Variants in CASK observed in about 807,000 individuals in gnomAD.
CASK encodes calcium/calmodulin dependent serine protein kinase.
In CASK, 4 loss-of-function variants were observed where a neutral mutation model predicts 82.9. The observed-to-expected ratio is 0.05, with a 90% CI of 0.02 to 0.11. The LOEUF (loss-of-function observed/expected upper bound fraction) is 0.11, where lower values mean the gene tolerates loss of function less well. CASK is among the 10% of genes least tolerant of loss of function. The probability of loss-of-function intolerance (pLI) is 1.00; values close to 1 mark genes in which losing one functional copy is unlikely to be tolerated. For missense variants in CASK, 358 were observed against 720.9 expected, an observed-to-expected ratio of 0.50 and a Z score of 5.76; for synonymous variants, 259 against 253.5, an observed-to-expected ratio of 1.02 and a Z score of -0.20.
Position 41,569,731 on chromosome X carries a change from T to G in CASK, c.1519A>C (p.Met507Leu), listed in dbSNP as rs1217595566. Residue 507 changes from methionine (M) to leucine (L), a missense_variant, in exon 16 of 27, where the codon ATG becomes CTG. Physicochemically the swap from Met to Leu is conservative, Grantham distance 15 (BLOSUM62 2). Around this residue, in one of 5 missense-constraint regions of CASK, gnomAD observed 110 missense variants for 218.8 expected, o/e 0.50. Transcript: ENST00000378163. ...ACAATACAATGATTTAGTTCATTCA[T>G]TTTTAAAGTGATTCCCTGTTAAAAA... ...TDEPMGITLK[M>L]NELNHCIVAR... 1 of 1,134,605 alleles carries G rather than the reference T, an allele frequency of 8.8e-7. No individual in the cohort carries two copies. The highest frequency in any genetic ancestry group is 1.8e-5 in the African/African-American group (1 of 56,237). 93.5% of individuals were successfully genotyped at this position (1,134,605 alleles called of 1,213,427 possible).
At chrX:41,842,956 A>G (rs1322658969) in intron 2 of CASK, among the ~76,000 whole-genome samples, 1 of 111,368 alleles carries the variant, frequency 9.0e-6, no homozygotes, top group Non-Finnish European at 1.9e-5. Context: ...TCTTAACTTC[A>G]TTTTTAGATT....
At chrX:41,765,776 G>A (rs1180320218) in intron 3 of CASK, among the ~76,000 whole-genome samples, 2 of 111,585 alleles carry the variant, frequency 1.8e-5, no homozygotes, top group Admixed American at 9.5e-5. Context: ...AAAGTGAATG[G>A]GGACAGGGAT....
intron 2 of CASK, among the ~76,000 whole-genome samples, chrX:41,793,228 A>T (rs1158794947): frequency 2.7e-5 from 3 of 111,746 alleles, no homozygotes; most frequent in Non-Finnish European, 3.8e-5. Context: ...GTACATATAC[A>T]CATACATATA....
chrX:41,778,563 C>G (rs1193002606), intron 3 of CASK, among the ~76,000 whole-genome samples: 1 of 111,648 alleles, frequency 9.0e-6, no homozygotes, highest in Non-Finnish European at 1.9e-5. Flanking sequence ...ACAAACTATA[C>G]TTCTTTTAAA....
At chrX:41,575,696 A>C (rs1279872944) in intron 15 of CASK, among the ~76,000 whole-genome samples, 1 of 111,901 alleles carries the variant, frequency 8.9e-6, no homozygotes, top group Non-Finnish European at 1.9e-5. Flanking sequence ...TGAATAAGAC[A>C]ACTAAGAAAG....
chrX:41,821,431 G>T (rs959225034), intron 2 of CASK, among the ~76,000 whole-genome samples: 1 of 111,995 alleles, frequency 8.9e-6, no homozygotes, highest in African/African-American at 3.2e-5. Context: ...GTATTGGCAA[G>T]GATGTGGAAA....
intron 8 of CASK, among the ~76,000 whole-genome samples, chrX:41,654,883 G>A (rs373902213): frequency 1.1e-4 from 12 of 110,513 alleles, no homozygotes; most frequent in African/African-American, 3.6e-4. Context: ...TGAGAAAGCT[G>A]ACCAACAGTT....
intron 16 of CASK, among the ~76,000 whole-genome samples, chrX:41,566,940 T>G (rs981581813): frequency 7.2e-5 from 8 of 111,862 alleles, no homozygotes; most frequent in African/African-American, 2.3e-4. Context: ...GCCACACATC[T>G]ACAACCATCT....
chrX:41,621,910 C>G (rs1411889376), intron 11 of CASK, among the ~76,000 whole-genome samples: 1 of 111,512 alleles, frequency 9.0e-6, no homozygotes, highest in Non-Finnish European at 1.9e-5. Flanking sequence ...CCCTTGTATT[C>G]TTTGCTCAGT....
chrX:41,689,057 C>G (rs1277895584), intron 5 of CASK: 2 of 111,638 alleles, frequency 1.8e-5, no homozygotes, highest in African/African-American at 3.3e-5. Flanking sequence ...TGGGGTTCTG[C>G]TCCTTTTACT....
chrX:41,687,977 A>G (rs1008962147), intron 5 of CASK, among the ~76,000 whole-genome samples: 5 of 107,723 alleles, frequency 4.6e-5, no homozygotes, highest in Non-Finnish European at 9.6e-5. Flanking sequence ...AAAAAAAAAA[A>G]AAAAAAAAAA....
chrX:41,775,151 T>C (rs1325503971), intron 3 of CASK, among the ~76,000 whole-genome samples: 9 of 107,190 alleles, frequency 8.4e-5, no homozygotes, highest in African/African-American at 3.1e-4. Context: ...AAAGGGCTAA[T>C]ATCCAGAATC....
chrX:41,807,704 C>T (rs766179593), intron 2 of CASK, among the ~76,000 whole-genome samples: 1 of 110,928 alleles, frequency 9.0e-6, no homozygotes, highest in African/African-American at 3.3e-5. Flanking sequence ...GAAGGGCAAC[C>T]AAGCACAAGA....
intron 4 of CASK, among the ~76,000 whole-genome samples, chrX:41,744,608 T>C (rs2147733646): frequency 9.0e-6 from 1 of 111,166 alleles, no homozygotes; most frequent in East Asian, 2.8e-4. Context: ...CCTCCCAAAG[T>C]GCTGGGATTA....
chrX:41,847,855 C>T (rs1240329290), intron 2 of CASK, among the ~76,000 whole-genome samples: 2 of 111,875 alleles, frequency 1.8e-5, no homozygotes, highest in Admixed American at 9.5e-5. Context: ...ACCTTCAACA[C>T]TCAGTCAGGG....
At chrX:41,807,813 C>T (rs909184520) in intron 2 of CASK, among the ~76,000 whole-genome samples, 14 of 111,593 alleles carry the variant, frequency 1.3e-4, no homozygotes, top group African/African-American at 3.3e-4. Flanking sequence ...CCATTCATGA[C>T]GGAGGATTCC....
chrX:41,894,375 T>C (rs1367916782), intron 1 of CASK, among the ~76,000 whole-genome samples: 1 of 110,814 alleles, frequency 9.0e-6, no homozygotes, highest in Non-Finnish European at 1.9e-5. Context: ...ACCTGTAAGA[T>C]AAGACAGCAA....
At chrX:41,897,943 T>C (rs1055012142) in intron 1 of CASK, among the ~76,000 whole-genome samples, 1 of 112,265 alleles carries the variant, frequency 8.9e-6, no homozygotes, top group African/African-American at 3.2e-5. Flanking sequence ...TCTTTTCTTG[T>C]ACTGTCCTTG....
At chrX:41,882,671 T>C (rs1217889624) in intron 1 of CASK, among the ~76,000 whole-genome samples, 1 of 111,398 alleles carries the variant, frequency 9.0e-6, no homozygotes, top group Non-Finnish European at 1.9e-5. Context: ...TTCCTCTCAA[T>C]GAGGACTGGA....
Sources: allele counts gnomAD v4.1 joint callset (sites outside exome capture counted in the v4.1 genomes callset), GRCh38; gene constraint gnomAD v4.1.1; regional missense constraint gnomAD v4.1.1; transcripts MANE v1.5; gene names NCBI Gene and HGNC (gene_info 2026-07-23, HGNC 2026-07-21).